Variants in UNC5D observed in about 807,000 individuals in gnomAD.
The protein encoded by UNC5D is netrin receptor UNC5D.
A neutral mutation model predicts 105.4 loss-of-function variants in UNC5D; 39 were observed. That is an observed-to-expected ratio of 0.37 (90% CI 0.29 to 0.48). UNC5D has a LOEUF of 0.48. Among genes scored for constraint, UNC5D ranks in the 20% least tolerant of loss-of-function variants. The pLI, the probability that UNC5D is intolerant of heterozygous loss-of-function variation, is 0.98. For synonymous variants in UNC5D, 452 were observed against 450.4 expected, an observed-to-expected ratio of 1.00 and a Z score of -0.04; for missense variants, 991 against 1,202.4, an observed-to-expected ratio of 0.82 and a Z score of 2.60.
chr8:35,604,339 A>T (rs1461518935), intron 4 of UNC5D, among the ~76,000 whole-genome samples: 2 of 152,130 alleles, frequency 1.3e-5, no homozygotes, highest in Non-Finnish European at 2.9e-5. Flanking sequence ...CTGGGTTGAA[A>T]ATTCTTTTCT....
intron 3 of UNC5D, among the ~76,000 whole-genome samples, chr8:35,576,077 C>A (rs865790152): frequency 6.6e-6 from 1 of 152,332 alleles, no homozygotes; most frequent in African/African-American, 2.4e-5. Context: ...ACCACATAGA[C>A]TTTTTGCAGC....
chr8:35,289,491 G>T (rs988802908), intron 1 of UNC5D, among the ~76,000 whole-genome samples: 1 of 152,090 alleles, frequency 6.6e-6, no homozygotes, highest in Non-Finnish European at 1.5e-5. Flanking sequence ...TTGTAATTTA[G>T]ATCAAATAGA....
chr8:35,673,072 C>CAATT (rs1824933469), intron 4 of UNC5D, among the ~76,000 whole-genome samples: 1 of 152,116 alleles, frequency 6.6e-6, no homozygotes, highest in East Asian at 1.9e-4. Context: ...AATGGCTTCA[C>CAATT]AATTAAGCTG....
intron 1 of UNC5D, among the ~76,000 whole-genome samples, chr8:35,333,838 G>A (rs1387091133): frequency 1.3e-5 from 2 of 151,932 alleles, no homozygotes; most frequent in Non-Finnish European, 2.9e-5. Flanking sequence ...TAGAATACAG[G>A]GTACTTTACT....
At chr8:35,539,668 A>G (rs1304189938) in intron 1 of UNC5D, among the ~76,000 whole-genome samples, 1 of 152,088 alleles carries the variant, frequency 6.6e-6, no homozygotes, top group Non-Finnish European at 1.5e-5. Flanking sequence ...CTTCTGCCCT[A>G]TTTTGCCTGT....
intron 1 of UNC5D, among the ~76,000 whole-genome samples, chr8:35,263,541 C>T (rs1479703854): frequency 2.0e-5 from 3 of 152,174 alleles, no homozygotes; most frequent in Non-Finnish European, 2.9e-5. Context: ...ACTACAGGCT[C>T]ATGCCACTGC....
At chr8:35,329,196 G>A (rs1038996960) in intron 1 of UNC5D, among the ~76,000 whole-genome samples, 2 of 151,948 alleles carry the variant, frequency 1.3e-5, no homozygotes, top group Non-Finnish European at 2.9e-5. Context: ...TAAATAACAT[G>A]CTCAAAGTCA....
chr8:35,710,934 C>CTTTTTTTTTTT (rs775014566), intron 8 of UNC5D, among the ~76,000 whole-genome samples: 16 of 114,372 alleles, frequency 1.4e-4, no homozygotes, highest in African/African-American at 6.0e-4. Context: ...CAGCATTATT[C>CTTTTTTTTTTT]TTTTTTTTTT....
At chr8:35,444,964 G>T (rs1384843970) in intron 1 of UNC5D, among the ~76,000 whole-genome samples, 1 of 152,034 alleles carries the variant, frequency 6.6e-6, no homozygotes, top group Non-Finnish European at 1.5e-5. Context: ...CTTTCAAAGT[G>T]TCTCAGTTTA....
At chr8:35,240,061 G>A (rs1282456186) in intron 1 of UNC5D, among the ~76,000 whole-genome samples, 2 of 152,028 alleles carry the variant, frequency 1.3e-5, no homozygotes, top group East Asian at 3.9e-4. Flanking sequence ...CCAGCCTCTT[G>A]AGTAGCTGGG....
At chr8:35,705,210 C>T (rs961800433) in intron 7 of UNC5D, among the ~76,000 whole-genome samples, 31 of 152,214 alleles carry the variant, frequency 2.0e-4, no homozygotes, top group South Asian at 1.5e-3. Flanking sequence ...GTGATCCGCC[C>T]GCCTTGGCCT....
chr8:35,583,694 G>A (rs1818597816), intron 3 of UNC5D, among the ~76,000 whole-genome samples: 1 of 151,962 alleles, frequency 6.6e-6, no homozygotes, highest in South Asian at 2.1e-4. Flanking sequence ...ATTTTCCCTT[G>A]GTTTAATGCC....
At chr8:35,451,365 G>T (rs1808142505) in intron 1 of UNC5D, among the ~76,000 whole-genome samples, 1 of 152,076 alleles carries the variant, frequency 6.6e-6, no homozygotes, top group African/African-American at 2.4e-5. Context: ...CCTTTTATAA[G>T]AGTTGACTGG....
chr8:35,506,106 A>G (rs1812289714), intron 1 of UNC5D, among the ~76,000 whole-genome samples: 1 of 152,194 alleles, frequency 6.6e-6, no homozygotes, highest in South Asian at 2.1e-4. Context: ...GATGGAAAGT[A>G]GGTTATAAAT....
At chr8:35,721,412 CA>C in intron 8 of UNC5D, 1 of 702,818 alleles carries the variant, frequency 1.4e-6, no homozygotes, top group East Asian at 2.7e-5. Flanking sequence ...ATTCTAAATT[CA>C]AACTAACGCT....
intron 1 of UNC5D, among the ~76,000 whole-genome samples, chr8:35,344,066 G>A (rs779528925): frequency 2.0e-5 from 3 of 152,008 alleles, no homozygotes; most frequent in African/African-American, 4.8e-5. Context: ...GGCTTGAAAT[G>A]GTTCTGTTGG....
chr8:35,728,812 G>T (rs1829033279), intron 10 of UNC5D, among the ~76,000 whole-genome samples: 1 of 152,072 alleles, frequency 6.6e-6, no homozygotes, highest in African/African-American at 2.4e-5. Context: ...GTGCTTCTGT[G>T]GTCATATCAA....
intron 2 of UNC5D, among the ~76,000 whole-genome samples, chr8:35,553,549 A>T (rs914066023): frequency 6.6e-6 from 1 of 152,132 alleles, no homozygotes; most frequent in Admixed American, 6.6e-5. Context: ...AGTCATTTTG[A>T]TTGAATCAAT....
intron 3 of UNC5D, among the ~76,000 whole-genome samples, chr8:35,586,315 A>AGGGTTTAAGCCACGCTTGCG (rs1236986003): frequency 6.6e-6 from 1 of 152,206 alleles, no homozygotes; most frequent in African/African-American, 2.4e-5. Context: ...AGCAAGGTAG[A>AGGGTTTAAGCCACGCTTGCG]GGGTTTAAGC....
Sources: gnomAD v4.1 joint callset for allele counts (sites outside exome capture counted in the v4.1 genomes callset) on GRCh38, gnomAD v4.1.1 for gene constraint, MANE v1.5 for transcripts, NCBI Gene and HGNC (gene_info 2026-07-23, HGNC 2026-07-21) for gene names.